METTL3: variants seen among roughly 807,000 people sequenced by gnomAD.
The protein encoded by METTL3 is methyltransferase 3, N6-adenosine-methyltransferase complex catalytic subunit, also known as N(6)-adenosine-methyltransferase catalytic subunit METTL3.
Under a neutral mutation model 64.3 loss-of-function variants are expected in METTL3, and 42 were observed. That is an observed-to-expected ratio of 0.65 (90% CI 0.51 to 0.84). METTL3 has a LOEUF of 0.84. Ranked by LOEUF, METTL3 falls within the 40% of genes least tolerant of loss-of-function variation. The pLI is 0.00. For synonymous variants in METTL3, 256 were observed against 263.6 expected (o/e 0.97, Z 0.28); for missense variants, 435 against 722.3 (o/e 0.60, Z 4.56).
At chr14:21,508,423 T>C (rs1444978589) in intron 1 of METTL3, among the ~76,000 whole-genome samples, 1 of 152,188 alleles carries the variant, frequency 6.6e-6, no homozygotes, top group Non-Finnish European at 1.5e-5. Context: ...TTAAACATGT[T>C]TAGCAAGGAC....
Position 21,499,820 on chromosome 14 carries a change from AAAC to A in METTL3, c.1305-21_1305-19del, listed in dbSNP as rs1566490734. The stretch of plus-strand genomic sequence containing the variant: ...CCATGGCCCTAGAAAGAAATGAGTT[AAAC>A]AACTATTTGTATGCCCATATTTTTT... On this transcript the variant is annotated intron_variant, in intron 6 of 10. Coordinates refer to ENST00000298717, the MANE Select transcript of METTL3 (RefSeq NM_019852.5). The A allele has an allele frequency of 6.2e-7, 1 of 1,611,830 alleles. No homozygotes were observed. The highest frequency in any genetic ancestry group is 8.5e-7 in the Non-Finnish European group (1 of 1,178,226).
intron 1 of METTL3, among the ~76,000 whole-genome samples, chr14:21,505,358 C>G (rs1330997838): frequency 1.3e-5 from 2 of 152,172 alleles, no homozygotes; most frequent in Non-Finnish European, 2.9e-5. Flanking sequence ...ATAAATATTT[C>G]AGTCCTTACA....
chr14:21,501,005 G>A lies in METTL3; in HGVS notation c.1024C>T (p.Pro342Ser), dbSNP rs551106028. ...EIDACMDSEAPGSKDHTPSQE... is the reference protein window; with the variant it reads ...EIDACMDSEASGSKDHTPSQE... ...CTTGGCGTGTGGTCTTTGCTGCCAGGGGCCTCAGAATCCATGCAAGCATCA... is the reference window on the plus strand; with the variant it reads ...CTTGGCGTGTGGTCTTTGCTGCCAGAGGCCTCAGAATCCATGCAAGCATCA... Residue 342 changes from proline (P) to serine (S), a missense_variant, in exon 5 of 11, where the codon CCT becomes TCT. Coordinates refer to ENST00000298717, the MANE Select transcript of METTL3 (RefSeq NM_019852.5). The A allele has an allele frequency of 6.2e-7, 1 of 1,614,138 alleles. No individual in the cohort carries two copies. Among genetic ancestry groups the A allele is most frequent in the South Asian group, 1.1e-5 (1 of 91,080 alleles).
At chr14:21,508,887 T>C (rs1891762133) in intron 1 of METTL3, among the ~76,000 whole-genome samples, 1 of 151,758 alleles carries the variant, frequency 6.6e-6, no homozygotes, top group Non-Finnish European at 1.5e-5. Context: ...AGAGCGAAAC[T>C]CCATCTCAAA....
chr14:21,503,518 C>T lies in METTL3; in HGVS notation c.378G>A (p.Gln126=), dbSNP rs1443693388. The T allele has an allele frequency of 3.1e-6, 5 of 1,612,014 alleles. No homozygotes were observed. The South Asian group carries it at 3.3e-5, about 11-fold the overall frequency. The change falls in exon 3 of 11, where the codon CAG becomes CAA. Residue 126 remains glutamine, a synonymous_variant. Transcript: ENST00000298717. Reference sequence around the variant, plus strand: ...GACCTCGCTTTACCTCAATCAACTCCTGAGCTGCAAACTTCTGCAGGAGGC... The same window carrying T: ...GACCTCGCTTTACCTCAATCAACTCTTGAGCTGCAAACTTCTGCAGGAGGC... ...VESLLQKFAA[Q]ELIEVKRGLL... is the part of the protein sequence containing the mutation.
At chr14:21,507,867 T>C (rs1037852190) in intron 1 of METTL3, 1 of 152,240 alleles carries the variant, frequency 6.6e-6, no homozygotes, top group Admixed American at 6.5e-5. Flanking sequence ...ATTTGTATGT[T>C]TCATCTTTAC....
intron 3 of METTL3, 91 bp downstream of exon 3, chr14:21,503,082 T>A: frequency 7.3e-7 from 1 of 1,371,794 alleles, no homozygotes; most frequent in South Asian, 1.4e-5. Context: ...GAACCACTGC[T>A]GTAAACAGTT....
intron 4 of METTL3, 142 bp downstream of exon 4, chr14:21,501,586 T>C: frequency 9.9e-7 from 1 of 1,012,288 alleles, no homozygotes; most frequent in Non-Finnish European, 1.4e-6. Flanking sequence ...CTTCTGAAAG[T>C]ACACCTTCAG....
At chr14:21,499,396 C>T (rs768514747) in intron 8 of METTL3, 25 bp from the exon 9 acceptor site, 5 of 1,613,654 alleles carry the variant, frequency 3.1e-6, no homozygotes, top group Non-Finnish European at 4.2e-6. Flanking sequence ...TAACAGATTA[C>T]CTTATGAAAC....
At chr14:21,504,725 G>GAC in intron 1 of METTL3, 1 of 151,730 alleles carries the variant, frequency 6.6e-6, no homozygotes, top group Non-Finnish European at 1.5e-5. Context: ...GAGGTGAGGA[G>GAC]TTCGAGACCA....
intron 4 of METTL3, 152 bp from the exon 5 acceptor site, chr14:21,501,281 T>C (rs780240361): frequency 9.5e-6 from 6 of 632,202 alleles, no homozygotes; most frequent in Non-Finnish European, 1.6e-5. Flanking sequence ...GCAGGTAGCA[T>C]GGAAATCCAT....
chr14:21,498,691 G>A, intron 10 of METTL3: 2 of 469,182 alleles, frequency 4.3e-6, no homozygotes, highest in Non-Finnish European at 7.6e-6. Context: ...TCTGTTAAGG[G>A]GTGAAAGATG....
chr14:21,499,886 AAC>A, intron 6 of METTL3, 84 bp from the exon 7 acceptor site: 1 of 1,317,304 alleles, frequency 7.6e-7, no homozygotes, highest in Non-Finnish European at 1.1e-6. Context: ...AAACACTATA[AAC>A]ACTTTTTCAG....
rs565323110 is a variant in METTL3 at position 21,501,255 on chromosome 14, A to G, written c.900-126T>C. On this transcript the variant is annotated intron_variant, in intron 4 of 10. Transcript: ENST00000298717. ...TAATTCTATCATTAGAGCTTCCTTCAAGAGTTTTAAGGGAGGCAGGTAGCA... is the reference window on the plus strand; with the variant it reads ...TAATTCTATCATTAGAGCTTCCTTCGAGAGTTTTAAGGGAGGCAGGTAGCA... The G allele has an allele frequency of 4.2e-6, 3 of 708,060 alleles. No homozygotes were observed. The East Asian group carries it at 8.1e-5, about 19-fold the overall frequency. 43.9% of individuals were successfully genotyped at this position (708,060 alleles called of 1,614,324 possible).
rs182862823 is a variant in METTL3, at chr14:21,500,951, C to G, written c.1078G>C (p.Gly360Arg). The change falls in exon 5 of 11, where the codon GGA (glycine) becomes CGA (arginine). Residue 360 changes from glycine (G) to arginine (R), a missense_variant. Coordinates refer to ENST00000298717, the MANE Select transcript of METTL3 (RefSeq NM_019852.5). The part of the protein sequence containing the change: ...SQELALTQSV[G>R]GDSSADRLFP... ...AGTCGGTCTGCACTGGAATCACCTC[C>G]GACACTCTGTGTAAGAGCAAGCTCC... 1.9e-6 allele frequency: 3 copies of G among 1,613,966 alleles called. No homozygotes were observed. Among genetic ancestry groups the G allele is most frequent in the Non-Finnish European group, 2.5e-6 (3 of 1,180,014 alleles).
intron 1 of METTL3, chr14:21,507,950 C>T (rs1429153093): frequency 6.6e-6 from 1 of 151,986 alleles, no homozygotes; most frequent in Non-Finnish European, 1.5e-5. Flanking sequence ...TAATTACAAC[C>T]CCAAAAATAC....
chr14:21,498,858 TA>T, intron 10 of METTL3, 166 bp downstream of exon 10: 2 of 595,984 alleles, frequency 3.4e-6, no homozygotes, highest in Non-Finnish European at 6.0e-6. Flanking sequence ...TTCTAATGAA[TA>T]TTTGTAGAAT....
Position 21,498,225 on chromosome 14 carries a change from G to T in METTL3, c.*33C>A. ...TTCAGGTTTAGCTTACAGAGCCATG[G>T]CTATGGATTCTTAGCTCTGTAAGGA... On this transcript the variant is annotated 3_prime_UTR_variant, in exon 11 of 11. Transcript: ENST00000298717. 1 of 1,226,076 alleles carries T rather than the reference G, an allele frequency of 8.2e-7. No homozygotes were observed. Among genetic ancestry groups the T allele is most frequent in the Non-Finnish European group, 1.2e-6 (1 of 826,402 alleles). 75.9% of individuals were successfully genotyped at this position (1,226,076 alleles called of 1,614,324 possible). A position where few individuals can be genotyped will look rare whatever the true frequency, so the allele number is the denominator to read the frequency against.
chr14:21,511,040 G>T, intron 1 of METTL3, 84 bp downstream of exon 1: 2 of 1,474,768 alleles, frequency 1.4e-6, no homozygotes, highest in Non-Finnish European at 1.8e-6. Flanking sequence ...GTTTGGTAAA[G>T]GGCAGTGACT....
Sources: allele counts gnomAD v4.1 joint callset (sites outside exome capture counted in the v4.1 genomes callset), GRCh38; gene constraint gnomAD v4.1.1; transcripts MANE v1.5; gene names NCBI Gene and HGNC (gene_info 2026-07-23, HGNC 2026-07-21).